Variants in HSPA12A observed in about 807,000 individuals in gnomAD.
HSPA12A encodes the protein heat shock protein family A (Hsp70) member 12A, also known as heat shock 70 kDa protein 12A.
Under a neutral mutation model 69.2 loss-of-function variants are expected in HSPA12A, and 28 were observed. The ratio of observed to expected loss-of-function variants is 0.40; its 90% CI spans 0.30 to 0.55. The LOEUF (loss-of-function observed/expected upper bound fraction) is 0.55. Among genes scored for constraint, HSPA12A ranks in the 20% least tolerant of loss-of-function variants. HSPA12A has a pLI of 0.38. For synonymous variants in HSPA12A, 345 were observed against 370.5 expected (o/e 0.93, Z 0.79); for missense variants, 686 against 900.7 (o/e 0.76, Z 3.05).
intron 2 of HSPA12A, among the ~76,000 whole-genome samples, chr10:116,769,265 T>C (rs1159070064): frequency 6.6e-6 from 1 of 152,096 alleles, no homozygotes; most frequent in Non-Finnish European, 1.5e-5. Context: ...AAGACTAAGG[T>C]GTGGGCTTGG....
At chr10:116,834,350 T>C (rs1845672639) in intron 2 of HSPA12A, among the ~76,000 whole-genome samples, 1 of 152,208 alleles carries the variant, frequency 6.6e-6, no homozygotes, top group African/African-American at 2.4e-5. Context: ...GAACAGCCAG[T>C]GGCTTTCAAT....
chr10:116,671,786 T>A lies in HSPA12A; in HGVS notation c.*2995A>T, dbSNP rs17095095. 0.043 allele frequency: 6,552 copies of A among 152,756 alleles called. 247 individuals carry two copies. Among genetic ancestry groups the A allele is most frequent in the East Asian group, 0.2 (1,050 of 5,166 alleles). 9.5% of individuals were successfully genotyped at this position (152,756 alleles called of 1,614,324 possible). ...GCTTCCAAGAAACGTGAAGATCAGA[T>A]AATATGCCAGGGACAATTGAGTAAT... On this transcript the variant is annotated 3_prime_UTR_variant, in exon 12 of 12. Transcript: ENST00000369209.
intron 2 of HSPA12A, among the ~76,000 whole-genome samples, chr10:116,793,306 C>G (rs1332677211): frequency 2.0e-5 from 3 of 152,350 alleles, no homozygotes; most frequent in African/African-American, 7.2e-5. Flanking sequence ...CACAGTGGCT[C>G]ACGCCTGTAA....
At chr10:116,729,090 C>G (rs1445740305) in intron 1 of HSPA12A, among the ~76,000 whole-genome samples, 2 of 152,206 alleles carry the variant, frequency 1.3e-5, no homozygotes, top group African/African-American at 4.8e-5. Context: ...TGTGTCTCAG[C>G]TCTCAGTTCT....
Position 116,771,467 on chromosome 10 carries a change from G to A in HSPA12A, c.91+63468C>T, listed in dbSNP as rs1036069606. On this transcript the variant is annotated intron_variant, in intron 2 of 12. Transcript: ENST00000635765. ...TCCTCCGGGAGCTGAAATGGGAACT[G>A]AGGAAGGAAGAGAAGCCACTGGAAT... Among the ~76,000 whole-genome samples the A allele has an allele frequency of 3.3e-5, 5 of 152,368 alleles. No homozygotes were observed. The East Asian group carries it at 9.7e-4, about 29-fold the overall frequency.
intron 2 of HSPA12A, among the ~76,000 whole-genome samples, chr10:116,806,345 A>G (rs975676677): frequency 5.9e-5 from 9 of 152,220 alleles, no homozygotes; most frequent in Admixed American, 1.3e-4. Flanking sequence ...CTGGGACTAT[A>G]CAGGCTTGAG....
At chr10:116,799,751 G>C (rs956407938) in intron 2 of HSPA12A, among the ~76,000 whole-genome samples, 4 of 152,296 alleles carry the variant, frequency 2.6e-5, no homozygotes, top group Non-Finnish European at 4.4e-5. Flanking sequence ...CATGAAGGAG[G>C]GTGCAGGGCT....
In HSPA12A at chr10:116,720,838, A is replaced by G. The variant is rs77480836; in HGVS notation, c.41-13553T>C. 5.8e-3 allele frequency among the ~76,000 whole-genome samples: 884 copies of G among 152,296 alleles called. 7 individuals are homozygous for G. Among genetic ancestry groups the G allele is most frequent in the African/African-American group, 0.02 (839 of 41,572 alleles). On this transcript the variant is annotated intron_variant, in intron 1 of 11. Transcript: ENST00000369209. ...GGAAATAAAGGAAAAGAGAAGGCCA[A>G]TGCTAAAAGGGGCTCCAAGGAGCTC...
At chr10:116,820,388 C>T (rs1030139475) in intron 2 of HSPA12A, among the ~76,000 whole-genome samples, 7 of 152,018 alleles carry the variant, frequency 4.6e-5, no homozygotes, top group African/African-American at 1.7e-4. Flanking sequence ...CTGTGATCAC[C>T]TGGTCAGGGA....
chr10:116,689,446 C>T (rs887511809), intron 6 of HSPA12A, among the ~76,000 whole-genome samples: 1 of 152,058 alleles, frequency 6.6e-6, no homozygotes, highest in African/African-American at 2.4e-5. Flanking sequence ...GGGCAGCCAC[C>T]GCCTTGCAGA....
chr10:116,695,847 AC>A (rs1589636402), intron 5 of HSPA12A, among the ~76,000 whole-genome samples: 1 of 147,162 alleles, frequency 6.8e-6, no homozygotes, highest in East Asian at 2.0e-4. Context: ...AAAAGAAAAA[AC>A]AAAAATTAGC....
chr10:116,740,644 G>T (rs939110908), intron 1 of HSPA12A, among the ~76,000 whole-genome samples: 1 of 10,694 alleles, frequency 9.4e-5, no homozygotes, highest in African/African-American at 2.1e-4. Flanking sequence ...CACCGTGTGT[G>T]TGTGTGTGTG....
chr10:116,831,836 C>G (rs528382467), intron 2 of HSPA12A: 4 of 152,296 alleles, frequency 2.6e-5, no homozygotes, highest in Admixed American at 1.3e-4. Context: ...ACTCATCTTC[C>G]TAACCACGAG....
intron 1 of HSPA12A, among the ~76,000 whole-genome samples, chr10:116,721,513 C>T (rs1367203269): frequency 2.6e-5 from 4 of 152,136 alleles, no homozygotes; most frequent in African/African-American, 9.7e-5. Context: ...AAAATACTGA[C>T]CATTAAATTT....
At position 116,675,572 on chromosome 10, in the gene HSPA12A, A is replaced by G. The variant is rs1849213936; in HGVS notation, c.1391-154T>C. Among the ~76,000 whole-genome samples the G allele has an allele frequency of 6.6e-6, 1 of 152,254 alleles. No individual in the cohort carries two copies. Among genetic ancestry groups the G allele is most frequent in the Non-Finnish European group, 1.5e-5 (1 of 68,042 alleles). On this transcript the variant is annotated intron_variant, in intron 11 of 11. Coordinates refer to ENST00000369209, the MANE Select transcript of HSPA12A (RefSeq NM_025015.3). This position sits in a 1 kb window ranked among gnomAD's most constrained non-coding sequence, Gnocchi z 5.2. The stretch of plus-strand genomic sequence containing the variant: ...GCTCCTTGAACAGAATCTTTGCAGA[A>G]CTGGTCTTTTAAAGAAAGGGAGTTT...
intron 1 of HSPA12A, among the ~76,000 whole-genome samples, chr10:116,841,684 G>A (rs961698376): frequency 6.6e-6 from 1 of 151,938 alleles, no homozygotes; most frequent in African/African-American, 2.4e-5. Flanking sequence ...AGGTAAATTT[G>A]CCTAAAATGA....
At chr10:116,699,215 C>T (rs1235848225) in intron 4 of HSPA12A, among the ~76,000 whole-genome samples, 1 of 152,166 alleles carries the variant, frequency 6.6e-6, no homozygotes, top group Non-Finnish European at 1.5e-5. Context: ...ACGCTGCCAA[C>T]CAAGTCACCA....
At chr10:116,835,271 A>G (rs1243582046) in intron 1 of HSPA12A, 1 of 233,896 alleles carries the variant, frequency 4.3e-6, no homozygotes, top group Non-Finnish European at 8.3e-6. Context: ...CAAGACAGAG[A>G]TAATGCCTTA....
intron 2 of HSPA12A, among the ~76,000 whole-genome samples, chr10:116,769,026 G>A (rs1564813207): frequency 6.6e-6 from 1 of 152,192 alleles, no homozygotes; most frequent in East Asian, 1.9e-4. Context: ...CTTGCCCGCT[G>A]CAGACTTTCA....
Sources: allele counts gnomAD v4.1 joint callset (sites outside exome capture counted in the v4.1 genomes callset), GRCh38; gene constraint gnomAD v4.1.1; non-coding constraint Gnocchi (gnomAD v3.1); transcripts MANE v1.5; gene names NCBI Gene and HGNC (gene_info 2026-07-23, HGNC 2026-07-21).